ZMYM4: variants seen among roughly 807,000 people sequenced by gnomAD.
ZMYM4 encodes the protein zinc finger MYM-type protein 4.
A neutral mutation model predicts 183.2 loss-of-function variants in ZMYM4; 31 were observed. The ratio of observed to expected loss-of-function variants is 0.17; its 90% CI spans 0.13 to 0.23. ZMYM4 has a LOEUF of 0.23. ZMYM4 is among the 10% of genes least tolerant of loss of function. ZMYM4 has a pLI of 1.00. For missense variants in ZMYM4, 1,273 were observed against 1,840.3 expected (o/e 0.69, Z 5.64); for synonymous variants, 592 against 631.2 (o/e 0.94, Z 0.93).
chr1:35,413,350 T>C (rs1639990734), intron 26 of ZMYM4, among the ~76,000 whole-genome samples: 1 of 152,228 alleles, frequency 6.6e-6, no homozygotes, highest in Admixed American at 6.5e-5. Flanking sequence ...TTTTAAACTA[T>C]AGGTATTCTT....
chr1:35,392,047 A>G (rs74658506), intron 15 of ZMYM4, among the ~76,000 whole-genome samples, 165 bp from the exon 16 acceptor site: 3 of 140,042 alleles, frequency 2.1e-5, no homozygotes, highest in African/African-American at 7.8e-5. Context: ...TCTCAAAAAG[A>G]AAAAAAAAAA....
chr1:35,325,941 T>G (rs924693875), intron 2 of ZMYM4, among the ~76,000 whole-genome samples: 2 of 152,178 alleles, frequency 1.3e-5, no homozygotes, highest in African/African-American at 4.8e-5. Context: ...GTATGGAGAT[T>G]TATATATGTG....
At chr1:35,369,960 G>A in intron 5 of ZMYM4, 69 bp from the exon 6 acceptor site, 2 of 1,147,752 alleles carry the variant, frequency 1.7e-6, no homozygotes, top group Non-Finnish European at 2.5e-6. Context: ...AAAATGTCTT[G>A]AATGTCTGGA....
chr1:35,383,594 TC>T (rs1644511809), intron 9 of ZMYM4, among the ~76,000 whole-genome samples: 2 of 152,186 alleles, frequency 1.3e-5, no homozygotes, highest in Admixed American at 1.3e-4. Flanking sequence ...TTTGTCATTT[TC>T]CAAAAGACTG....
At chr1:35,309,214 A>C (rs1279835352) in intron 1 of ZMYM4, among the ~76,000 whole-genome samples, 1 of 152,168 alleles carries the variant, frequency 6.6e-6, no homozygotes, top group Non-Finnish European at 1.5e-5. Flanking sequence ...AAGTTTGGGG[A>C]TCTTTATGAA....
chr1:35,387,272 C>G lies in ZMYM4; in HGVS notation c.2106C>G (p.Asp702Glu). Reference protein sequence around the residue: ...RLFATKPELLDYKGKMFQFCG... With the variant: ...RLFATKPELLEYKGKMFQFCG... ...TTGCCACAAAACCAGAACTTCTTGA[C>G]TATAAGGTAAAGTATAGCATGTTCA... Residue 702 changes from aspartate to glutamate, a missense_variant, in exon 12 of 30, where the codon GAC becomes GAG. Coordinates refer to ENST00000314607, the MANE Select transcript of ZMYM4 (RefSeq NM_005095.3). 5.0e-6 allele frequency: 8 copies of G among 1,613,846 alleles called. No homozygotes were observed. Among genetic ancestry groups the G allele is most frequent in the East Asian group, 2.2e-5 (1 of 44,876 alleles).
At chr1:35,351,135 C>T (rs1235952453) in intron 2 of ZMYM4, 21 of 1,044,212 alleles carry the variant, frequency 2.0e-5, no homozygotes, top group Non-Finnish European at 2.7e-5. Flanking sequence ...TGGTCAGCCA[C>T]GTGCCTTTAC....
At chr1:35,418,214 G>T (rs1467351942) in intron 28 of ZMYM4, among the ~76,000 whole-genome samples, 1 of 152,240 alleles carries the variant, frequency 6.6e-6, no homozygotes, top group South Asian at 2.1e-4. Flanking sequence ...TGGTGAGCAG[G>T]GGAGCATAAA....
At chr1:35,374,019 C>CTTTTTTTTT (rs397863926) in intron 7 of ZMYM4, among the ~76,000 whole-genome samples, 2 of 52,782 alleles carry the variant, frequency 3.8e-5, no homozygotes, top group Admixed American at 2.1e-4. Flanking sequence ...TCATGGGATT[C>CTTTTTTTTT]TTTTTTTTTT....
At chr1:35,281,424 A>G (rs953685642) in intron 1 of ZMYM4, among the ~76,000 whole-genome samples, 45 of 152,302 alleles carry the variant, frequency 3.0e-4, no homozygotes, top group African/African-American at 1.1e-3. Context: ...TCATAGAAGC[A>G]GAGAGTAGAA....
In ZMYM4 at chr1:35,318,504, C is replaced by T. The variant is rs180906909; in HGVS notation, c.40-6856C>T. ...GCGAAGTCTCGCTCTGTCACCCAGGCTGGAGTACAGTGGCATAATCTCGGC... is the reference window on the plus strand; with the variant it reads ...GCGAAGTCTCGCTCTGTCACCCAGGTTGGAGTACAGTGGCATAATCTCGGC... On this transcript the variant is annotated intron_variant, in intron 1 of 29. Transcript: ENST00000314607. Among the ~76,000 whole-genome samples, 858 of 152,278 alleles carry T rather than the reference C, an allele frequency of 5.6e-3. 5 individuals are homozygous for T. Among genetic ancestry groups the T allele is most frequent in the Non-Finnish European group, 8.8e-3 (598 of 68,026 alleles).
In ZMYM4 at chr1:35,397,427, C is replaced by G; in HGVS notation, c.3081C>G (p.Val1027=). The change falls in exon 20 of 30, where the codon GTC becomes GTG. Residue 1027 remains valine, a synonymous_variant. Coordinates refer to ENST00000314607, the MANE Select transcript of ZMYM4 (RefSeq NM_005095.3). ...IPSSMDSEDK[V]TESIEDIKEK... ...CTTCAATGGATAGTGAAGATAAAGT[C>G]ACAGAGAGTATTGAAGACATTAAAG... 6.2e-7 allele frequency: 1 copy of G among 1,612,788 alleles called. No individual in the cohort carries two copies. The highest frequency in any genetic ancestry group is 1.1e-5 in the South Asian group (1 of 90,754).
intron 1 of ZMYM4, among the ~76,000 whole-genome samples, chr1:35,282,766 G>A (rs1325050690): frequency 6.6e-6 from 1 of 152,032 alleles, no homozygotes; most frequent in African/African-American, 2.4e-5. Flanking sequence ...ATGTTACCAA[G>A]GCTGGTCTTG....
intron 23 of ZMYM4, among the ~76,000 whole-genome samples, chr1:35,401,176 G>A (rs1432242559): frequency 6.6e-6 from 1 of 152,184 alleles, no homozygotes; most frequent in Non-Finnish European, 1.5e-5. Context: ...ATGCTTATGT[G>A]TATTTTTAAC....
intron 2 of ZMYM4, among the ~76,000 whole-genome samples, chr1:35,344,619 G>A (rs1029685736): frequency 2.6e-5 from 4 of 151,766 alleles, no homozygotes; most frequent in Non-Finnish European, 5.9e-5. Flanking sequence ...TTCCTTTAAT[G>A]TGTTAATATG....
chr1:35,287,218 ATTTTTTT>A (rs57318032), intron 1 of ZMYM4, among the ~76,000 whole-genome samples: 9 of 135,364 alleles, frequency 6.6e-5, no homozygotes, highest in Non-Finnish European at 1.6e-5. Context: ...GTTTTACTTA[ATTTTTTT>A]TTTTTTTTTA....
At chr1:35,372,087 T>C (rs1238710634) in intron 7 of ZMYM4, among the ~76,000 whole-genome samples, 1 of 152,242 alleles carries the variant, frequency 6.6e-6, no homozygotes, top group Non-Finnish European at 1.5e-5. Context: ...GCTTATTTAC[T>C]GTTCACATGT....
chr1:35,273,867 T>C (rs1429134606), intron 1 of ZMYM4, among the ~76,000 whole-genome samples: 1 of 152,212 alleles, frequency 6.6e-6, no homozygotes, highest in Admixed American at 6.5e-5. Context: ...GTATTCATGG[T>C]ATAATGCTAA....
chr1:35,315,905 G>T (rs989873515), intron 1 of ZMYM4, among the ~76,000 whole-genome samples: 1 of 152,096 alleles, frequency 6.6e-6, no homozygotes, highest in African/African-American at 2.4e-5. Flanking sequence ...TGGCCTGGGT[G>T]ACAGAGTGAG....
Sources: gnomAD v4.1 joint callset for allele counts (sites outside exome capture counted in the v4.1 genomes callset) on GRCh38, gnomAD v4.1.1 for gene constraint, MANE v1.5 for transcripts, NCBI Gene and HGNC (gene_info 2026-07-23, HGNC 2026-07-21) for gene names.